The following LOC128462377 variants were observed in gnomAD, a reference collection of about 807,000 sequenced individuals.
At chr16:89,326,992 T>G in the LOC128462377 span, among the ~76,000 whole-genome samples, 2 of 139,044 alleles carry the variant, frequency 1.4e-5, no homozygotes, top group East Asian at 2.1e-4. Context: ...AATGCAGAGG[T>G]GGGGAATGCA....
the LOC128462377 span, among the ~76,000 whole-genome samples, chr16:89,332,257 G>A: frequency 6.6e-6 from 1 of 152,258 alleles, no homozygotes; most frequent in South Asian, 2.1e-4. Context: ...TATAAACACT[G>A]AAACAGACAA....
the LOC128462377 span, among the ~76,000 whole-genome samples, chr16:89,406,065 G>T: frequency 7.3e-6 from 1 of 136,606 alleles, no homozygotes; most frequent in African/African-American, 2.8e-5. Context: ...AACCAAGATC[G>T]CATAACTGCA....
the LOC128462377 span, among the ~76,000 whole-genome samples, chr16:89,386,747 T>G: frequency 0.61 from 92,622 of 151,996 alleles, 28,724 homozygotes; most frequent in Middle Eastern, 0.74. Flanking sequence ...CTGTTGGATT[T>G]CATCAATCCA....
chr16:89,384,528 T>G, the LOC128462377 span, among the ~76,000 whole-genome samples: 1 of 128,916 alleles, frequency 7.8e-6, no homozygotes, highest in South Asian at 2.5e-4. Flanking sequence ...TGGAACAGGA[T>G]GGGATGGGAC....
the LOC128462377 span, among the ~76,000 whole-genome samples, chr16:89,385,072 G>C: frequency 6.6e-6 from 1 of 151,712 alleles, no homozygotes; most frequent in Non-Finnish European, 1.5e-5. Flanking sequence ...TTTTAGTAGA[G>C]ACGATATTTC....
the LOC128462377 span, among the ~76,000 whole-genome samples, chr16:89,400,988 C>T: frequency 6.6e-6 from 1 of 152,164 alleles, no homozygotes; most frequent in Non-Finnish European, 1.5e-5. Flanking sequence ...TGGCATGGCA[C>T]CCAAGACCAA....
the LOC128462377 span, chr16:89,396,175 G>C: frequency 6.6e-6 from 1 of 152,206 alleles, no homozygotes; most frequent in Non-Finnish European, 1.5e-5. Flanking sequence ...TCCAAGAGCA[G>C]ACAGCTTCTG....
the LOC128462377 span, among the ~76,000 whole-genome samples, chr16:89,365,692 G>A: frequency 1.3e-5 from 2 of 152,264 alleles, no homozygotes; most frequent in African/African-American, 4.8e-5. Context: ...TGTGGAAGGT[G>A]GTCTCTCCGC....
chr16:89,399,139 C>T, the LOC128462377 span, among the ~76,000 whole-genome samples: 1 of 152,330 alleles, frequency 6.6e-6, no homozygotes, highest in Admixed American at 6.5e-5. Context: ...GGAGCAGGAG[C>T]ATGATGACAC....
At chr16:89,367,242 G>A in the LOC128462377 span, among the ~76,000 whole-genome samples, 5 of 152,228 alleles carry the variant, frequency 3.3e-5, no homozygotes, top group East Asian at 1.9e-4. Flanking sequence ...GGAGTTCAGC[G>A]TTCTCTCAGG....
the LOC128462377 span, among the ~76,000 whole-genome samples, chr16:89,406,927 C>G: frequency 6.6e-6 from 1 of 152,196 alleles, no homozygotes; most frequent in South Asian, 2.1e-4. Flanking sequence ...GCCCATAATC[C>G]CAGCACTTTG....
chr16:89,381,540 T>C, the LOC128462377 span, among the ~76,000 whole-genome samples: 3 of 152,216 alleles, frequency 2.0e-5, no homozygotes, highest in Admixed American at 1.3e-4. Flanking sequence ...TTATAAAACA[T>C]GCACTATGAT....
chr16:89,363,245 C>T, the LOC128462377 span, among the ~76,000 whole-genome samples: 93,557 of 151,972 alleles, frequency 0.62, 29,444 homozygotes, highest in Middle Eastern at 0.76. Context: ...AAATTTTTTC[C>T]TATACTCTGC....
the LOC128462377 span, among the ~76,000 whole-genome samples, chr16:89,384,879 C>CTTTTCTTTTTTTTTTTTT: frequency 2.0e-5 from 1 of 49,910 alleles, no homozygotes; most frequent in Admixed American, 3.6e-4. Flanking sequence ...AAATAGTTTT[C>CTTTTCTTTTTTTTTTTTT]TTTTTTTTTT....
At chr16:89,345,209 A>G in the LOC128462377 span, among the ~76,000 whole-genome samples, 3 of 148,330 alleles carry the variant, frequency 2.0e-5, no homozygotes, top group African/African-American at 5.2e-5. Context: ...GTAAAGATGG[A>G]AAAAAAAAAT....
At chr16:89,328,265 G>A in the LOC128462377 span, among the ~76,000 whole-genome samples, 1 of 152,326 alleles carries the variant, frequency 6.6e-6, no homozygotes, top group African/African-American at 2.4e-5. Flanking sequence ...AAGTGGTGTT[G>A]CTGCTCTGGA....
At chr16:89,362,508 A>G in the LOC128462377 span, among the ~76,000 whole-genome samples, 4 of 152,384 alleles carry the variant, frequency 2.6e-5, no homozygotes, top group African/African-American at 9.6e-5. Context: ...CCATGTGTCC[A>G]GCACCAGAGA....
the LOC128462377 span, among the ~76,000 whole-genome samples, chr16:89,382,918 G>T: frequency 6.6e-6 from 1 of 152,162 alleles, no homozygotes. Flanking sequence ...TCGGCTCACT[G>T]CAACCTCTGC....
At chr16:89,348,856 A>G in the LOC128462377 span, among the ~76,000 whole-genome samples, 1 of 150,134 alleles carries the variant, frequency 6.7e-6, no homozygotes, top group African/African-American at 2.5e-5. Context: ...CTAAGGGGCT[A>G]CCAGTTTTAT....
Sources: gnomAD v4.1 joint callset for allele counts (sites outside exome capture counted in the v4.1 genomes callset) on GRCh38, gnomAD v4.1.1 for gene constraint, MANE v1.5 for transcripts.